The following GATA4 variants were observed in gnomAD, a reference collection of about 807,000 sequenced individuals.
GATA4 encodes transcription factor GATA-4.
In GATA4, 7 loss-of-function variants were observed where a neutral mutation model predicts 37.9. That is an observed-to-expected ratio of 0.18 (90% CI 0.11 to 0.35). GATA4 has a LOEUF of 0.35. GATA4 is among the 10% of genes least tolerant of loss of function. GATA4 has a pLI of 1.00. For synonymous variants in GATA4, 372 were observed against 292.6 expected, an observed-to-expected ratio of 1.27 and a Z score of -2.77; for missense variants, 647 against 653.0, an observed-to-expected ratio of 0.99 and a Z score of 0.10.
intron 2 of GATA4, among the ~76,000 whole-genome samples, chr8:11,713,086 C>A (rs1471064751): frequency 1.3e-5 from 2 of 151,750 alleles, no homozygotes; most frequent in African/African-American, 4.8e-5. Context: ...GTAGTTTTAA[C>A]AATATCTTGC....
intron 1 of GATA4, among the ~76,000 whole-genome samples, chr8:11,697,126 G>C (rs1799531051): frequency 6.6e-6 from 1 of 152,208 alleles, no homozygotes; most frequent in African/African-American, 2.4e-5. Flanking sequence ...TTTGCACCTT[G>C]GATTTTCTCT....
chr8:11,743,072 C>T (rs777291387), intron 2 of GATA4, among the ~76,000 whole-genome samples: 2 of 152,238 alleles, frequency 1.3e-5, no homozygotes, highest in Admixed American at 6.5e-5. Context: ...CGGGCACGGG[C>T]CCTTTCCACT....
At position 11,708,343 on chromosome 8, in the gene GATA4, C is replaced by T. The variant is rs1350855665; in HGVS notation, c.31C>T (p.His11Tyr). The change falls in exon 2 of 7, where the codon CAC becomes TAC. Residue 11 changes from histidine (H) to tyrosine (Y), a missense_variant. Physicochemically the swap from His to Tyr is moderately conservative, Grantham distance 83. Around this residue, in one of 5 missense-constraint regions of GATA4, gnomAD observed 379 missense variants for 334.5 expected, o/e 1.13. Transcript: ENST00000532059. The surrounding 1 kb of genome is among the most constrained non-coding windows in gnomAD (Gnocchi z 6.7). ...TCAGAGCTTGGCCATGGCCGCCAAC[C>T]ACGGGCCGCCCCCCGGTGCCTACGA... is the stretch of plus-strand genomic sequence containing the variant. MYQSLAMAAN[H>Y]GPPPGAYEAG... is the part of the protein sequence containing the mutation. 6.3e-7 allele frequency: 1 copy of T among 1,584,118 alleles called. No homozygotes were observed. The highest frequency in any genetic ancestry group is 1.3e-5 in the African/African-American group (1 of 74,806).
intron 2 of GATA4, among the ~76,000 whole-genome samples, chr8:11,721,132 C>G (rs1800654942): frequency 6.6e-6 from 1 of 151,662 alleles, no homozygotes; most frequent in Non-Finnish European, 1.5e-5. Context: ...GGCAGGGGAT[C>G]TGAAGCGCAA....
chr8:11,758,866 C>G lies in GATA4; in HGVS notation c.*391C>G, dbSNP rs912721646. 10 of 326,504 alleles carry G rather than the reference C, an allele frequency of 3.1e-5. No individual in the cohort carries two copies. Among genetic ancestry groups the G allele is most frequent in the Admixed American group, 8.3e-5 (2 of 24,070 alleles). The allele number at this position is 326,504 out of a possible 1,614,324, so 20.2% of individuals were successfully genotyped here. On this transcript the variant is annotated 3_prime_UTR_variant, in exon 7 of 7. Coordinates refer to ENST00000532059, the MANE Select transcript of GATA4 (RefSeq NM_001308093.3). ...GGGCCCTGGGACCCCTGCTCCAGCCCGAATGACGGCATCTGTTTGCCATGT... is the reference window on the plus strand; with the variant it reads ...GGGCCCTGGGACCCCTGCTCCAGCCGGAATGACGGCATCTGTTTGCCATGT...
chr8:11,754,462 C>A (rs1802456044), intron 4 of GATA4, among the ~76,000 whole-genome samples: 1 of 152,218 alleles, frequency 6.6e-6, no homozygotes, highest in African/African-American at 2.4e-5. Context: ...AAGCAGTCCT[C>A]CCACCTCGGC....
At chr8:11,679,623 C>T (rs896078679) in intron 1 of GATA4, among the ~76,000 whole-genome samples, 2 of 152,238 alleles carry the variant, frequency 1.3e-5, no homozygotes, top group African/African-American at 2.4e-5. Flanking sequence ...CCCCCACCTG[C>T]CCGACCCCAG....
At chr8:11,703,130 C>G (rs1035359868), upstream of GATA4, among the ~76,000 whole-genome samples, 1 of 152,078 alleles carries the variant, frequency 6.6e-6, no homozygotes, top group Admixed American at 6.5e-5. Context: ...TCCCCCATCC[C>G]TCTAATCTGG....
At chr8:11,680,943 A>C in intron 1 of GATA4, 1 of 985,296 alleles carries the variant, frequency 1.0e-6, no homozygotes, top group Non-Finnish European at 1.2e-6. Flanking sequence ...CAAAATGGTC[A>C]CTGTGTCCCC....
At chr8:11,724,643 C>CCTCATCACCTTCGTGAGCTG (rs1264935038) in intron 2 of GATA4, among the ~76,000 whole-genome samples, 4 of 152,224 alleles carry the variant, frequency 2.6e-5, no homozygotes, top group Non-Finnish European at 5.9e-5. Context: ...GCTGTGGGCT[C>CCTCATCACCTTCGTGAGCTG]CTCATCACCT....
At chr8:11,702,586 G>T (rs763518941), upstream of GATA4, among the ~76,000 whole-genome samples, 2 of 150,156 alleles carry the variant, frequency 1.3e-5, no homozygotes, top group African/African-American at 2.5e-5. The surrounding 1 kb of genome is among the most constrained non-coding windows in gnomAD (Gnocchi z 4.4). Context: ...TTTCCGCAGC[G>T]CCGGCCTCCG....
At chr8:11,698,433 T>G (rs1467248104) in intron 1 of GATA4, among the ~76,000 whole-genome samples, 1 of 152,054 alleles carries the variant, frequency 6.6e-6, no homozygotes, top group East Asian at 1.9e-4. Flanking sequence ...AATGCATGAG[T>G]GAATGAATCC....
At position 11,709,581 on chromosome 8, in the gene GATA4, G is replaced by GC. The variant is rs1322868188; in HGVS notation, c.616+653_616+654insC. ...GGGCGCATCATGCGGGCAGCGGGGG[G>GC]GGGGGCGCACACGCCCGGTCAGTGT... is the stretch of plus-strand genomic sequence containing the variant. On this transcript the variant is annotated intron_variant, in intron 2 of 6. Transcript: ENST00000532059. The surrounding 1 kb of genome is among the most constrained non-coding windows in gnomAD (Gnocchi z 4.3). Among the ~76,000 whole-genome samples, 1 of 151,846 alleles carries GC rather than the reference G, an allele frequency of 6.6e-6. No homozygotes were observed. Among genetic ancestry groups the GC allele is most frequent in the East Asian group, 1.9e-4 (1 of 5,178 alleles).
intron 1 of GATA4, among the ~76,000 whole-genome samples, chr8:11,677,436 A>T (rs1798820020): frequency 6.6e-6 from 1 of 152,170 alleles, no homozygotes; most frequent in Admixed American, 6.5e-5. Context: ...GTGTCTCAGG[A>T]AAAACCTAAA....
upstream of GATA4, among the ~76,000 whole-genome samples, chr8:11,689,413 C>G (rs576225996): frequency 5.3e-5 from 8 of 152,250 alleles, no homozygotes; most frequent in South Asian, 1.7e-3. Context: ...TGCACCTGAC[C>G]TGTTTCAGGC....
chr8:11,717,076 T>A (rs1800464282), intron 2 of GATA4, among the ~76,000 whole-genome samples: 1 of 152,184 alleles, frequency 6.6e-6, no homozygotes, highest in Non-Finnish European at 1.5e-5. Context: ...GGAAGGAGTA[T>A]CGCTCTGCTA....
rs139866333 is a variant in GATA4 at position 11,743,385 on chromosome 8, A to G, written c.617-5531A>G. ...AGACCCATCAACTCTGCCTCCAGGC[A>G]TGAGGGTGAGGGTCTTCCAACACAG... On this transcript the variant is annotated intron_variant, in intron 2 of 6. Transcript: ENST00000532059. Among the ~76,000 whole-genome samples the G allele has an allele frequency of 9.4e-3, 1,432 of 152,376 alleles. 27 individuals are homozygous for G. Among genetic ancestry groups the G allele is most frequent in the African/African-American group, 0.033 (1,386 of 41,596 alleles).
chr8:11,712,376 A>C (rs1800226211), intron 2 of GATA4, among the ~76,000 whole-genome samples: 1 of 152,220 alleles, frequency 6.6e-6, no homozygotes. Context: ...GAAACAGCAG[A>C]GGAGAAGCAG....
chr8:11,689,432 C>T (rs1799242959), upstream of GATA4, among the ~76,000 whole-genome samples: 1 of 152,200 alleles, frequency 6.6e-6, no homozygotes, highest in African/African-American at 2.4e-5. Context: ...GCATCCAGGA[C>T]ATTGGATCAC....
Sources: gnomAD v4.1 joint callset for allele counts (sites outside exome capture counted in the v4.1 genomes callset) on GRCh38, gnomAD v4.1.1 for gene constraint, gnomAD v4.1.1 regional missense constraint, Gnocchi (gnomAD v3.1) non-coding constraint, MANE v1.5 for transcripts, NCBI Gene and HGNC (gene_info 2026-07-23, HGNC 2026-07-21) for gene names.